SMG1: variants seen among roughly 807,000 people sequenced by gnomAD.
SMG1 encodes the protein serine/threonine-protein kinase SMG1.
A neutral mutation model predicts 419.9 loss-of-function variants in SMG1; 22 were observed. That is an observed-to-expected ratio of 0.05 (90% CI 0.04 to 0.07). The LOEUF (loss-of-function observed/expected upper bound fraction) is 0.07, where lower values mean the gene tolerates loss of function less well. Among genes scored for constraint, SMG1 ranks in the 10% least tolerant of loss-of-function variants. SMG1 has a pLI of 1.00. For missense variants in SMG1, 3,185 were observed against 4,342.0 expected, an observed-to-expected ratio of 0.73 and a Z score of 7.49; for synonymous variants, 1,538 against 1,553.5, an observed-to-expected ratio of 0.99 and a Z score of 0.23.
chr16:18,899,543 ATT>A (rs962772777), intron 1 of SMG1, among the ~76,000 whole-genome samples: 38 of 152,176 alleles, frequency 2.5e-4, no homozygotes, highest in Admixed American at 2.0e-3. Context: ...TGAAATTTCT[ATT>A]TTTATACAAT....
intron 22 of SMG1, 69 bp downstream of exon 22, chr16:18,868,121 T>C (rs1432306052): frequency 3.9e-6 from 5 of 1,272,840 alleles, no homozygotes; most frequent in Non-Finnish European, 5.5e-6. Context: ...GATTAAATCA[T>C]ACCAAAGGAA....
chr16:18,910,280 G>C (rs886720177), intron 1 of SMG1, among the ~76,000 whole-genome samples: 2 of 148,044 alleles, frequency 1.4e-5, no homozygotes, highest in Non-Finnish European at 3.0e-5. Context: ...GCCCAGGCTG[G>C]AGTGCAGTGG....
chr16:18,811,913 T>C lies in SMG1; in HGVS notation c.10801+35A>G, dbSNP rs762025601. On this transcript the variant is annotated intron_variant, in intron 61 of 62. Transcript: ENST00000446231. ...ACGTAAGTCAAACCGTCATTTTATA[T>C]AAAAATTTAAGGCATCTTTATTCTA... 3.7e-6 allele frequency: 6 copies of C among 1,612,722 alleles called. No homozygotes were observed. In the South Asian group the frequency reaches 6.6e-5, roughly 18 times the overall value.
chr16:18,874,288 A>G (rs1279282579), intron 13 of SMG1, among the ~76,000 whole-genome samples: 1 of 151,726 alleles, frequency 6.6e-6, no homozygotes, highest in African/African-American at 2.4e-5. Flanking sequence ...ACAGGTGTGC[A>G]CCACCACCCC....
chr16:18,864,286 C>G (rs2141518715), intron 23 of SMG1, 142 bp from the exon 24 acceptor site: 1 of 698,800 alleles, frequency 1.4e-6, no homozygotes, highest in Non-Finnish European at 2.2e-6. Context: ...ACCTCTGCCT[C>G]CTGGGTACAA....
intron 1 of SMG1, among the ~76,000 whole-genome samples, chr16:18,917,237 C>T (rs1430488878): frequency 2.0e-5 from 3 of 152,000 alleles, no homozygotes; most frequent in Admixed American, 6.6e-5. Context: ...ACCACAACCT[C>T]CATCTCCCAG....
intron 36 of SMG1, among the ~76,000 whole-genome samples, chr16:18,848,749 A>C (rs905554904): frequency 2.0e-5 from 3 of 151,688 alleles, no homozygotes; most frequent in African/African-American, 7.3e-5. Context: ...CATAGTAGTT[A>C]CTCCCTCAAT....
rs1407287032 is a variant in SMG1, at chr16:18,884,109, A to T, written c.1080T>A (p.Leu360=). Residue 360 remains leucine (L), a synonymous_variant, in exon 9 of 63, where the codon CTT becomes CTA. Coordinates refer to ENST00000446231, the MANE Select transcript of SMG1 (RefSeq NM_015092.5). ...CCATGTCTTCCAGAAACTGACCAAG[A>T]AGAGTAGTAGAAAATGCAAGATCAG... is the stretch of plus-strand genomic sequence containing the variant. ...WVADLAFSTT[L]LGQFLEDMEA... is the part of the protein sequence containing the mutation. The T allele has an allele frequency of 2.5e-6, 4 of 1,606,572 alleles. No homozygotes were observed. The highest frequency in any genetic ancestry group is 3.4e-6 in the Non-Finnish European group (4 of 1,175,202).
In SMG1 at chr16:18,882,315, C is replaced by T; in HGVS notation, c.1143G>A (p.Gly381=). ...YAEDLSHVAS[G]ESVDEDVPPP... ...GAGGGACATCTTCATCCACTGATTC[C>T]CCAGAGGCCACATGGCTGAGGTCCT... is the stretch of plus-strand genomic sequence containing the variant. Residue 381 remains glycine, a synonymous_variant, in exon 10 of 63, where the codon GGG becomes GGA. Transcript: ENST00000446231. The T allele has an allele frequency of 6.2e-7, 1 of 1,607,840 alleles. No individual in the cohort carries two copies. Among genetic ancestry groups the T allele is most frequent in the Non-Finnish European group, 8.5e-7 (1 of 1,177,708 alleles).
chr16:18,807,759 T>A lies in SMG1; in HGVS notation c.*1810A>T, dbSNP rs1457439164. ...AATGTACTCAAACAATTTTTTTTTT[T>A]ATCTAGTCATTTATTTTTGACACAG... On this transcript the variant is annotated 3_prime_UTR_variant, in exon 63 of 63. Coordinates refer to ENST00000446231, the MANE Select transcript of SMG1 (RefSeq NM_015092.5). 3 of 152,240 alleles carry A rather than the reference T, an allele frequency of 2.0e-5. No individual in the cohort carries two copies. The highest frequency in any genetic ancestry group is 1.9e-4 in the East Asian group (1 of 5,180). 9.4% of individuals were successfully genotyped at this position (152,240 alleles called of 1,614,324 possible).
At chr16:18,911,914 C>A (rs888628849) in intron 1 of SMG1, among the ~76,000 whole-genome samples, 8 of 151,916 alleles carry the variant, frequency 5.3e-5, no homozygotes, top group Admixed American at 1.3e-4. Flanking sequence ...AAACCCGTCT[C>A]TACTAAAAAT....
chr16:18,878,151 C>T (rs2036224062), intron 11 of SMG1: 1 of 152,198 alleles, frequency 6.6e-6, no homozygotes, highest in Admixed American at 6.5e-5. Context: ...CGCCTGTAAT[C>T]TCAGCACTTT....
At chr16:18,883,787 C>T (rs1410314797) in intron 9 of SMG1, among the ~76,000 whole-genome samples, 15 of 151,854 alleles carry the variant, frequency 9.9e-5, no homozygotes, top group African/African-American at 2.9e-4. Context: ...GGCATGGTGG[C>T]GGGCACCTGT....
Position 18,854,506 on chromosome 16 carries a change from T to C in SMG1, c.4483+150A>G, listed in dbSNP as rs1038804285. The C allele has an allele frequency of 5.3e-6, 4 of 760,142 alleles. No individual in the cohort carries two copies. The Admixed American group carries it at 9.4e-5, about 18-fold the overall frequency. The allele number at this position is 760,142 out of a possible 1,614,324, so 47.1% of individuals were successfully genotyped here. On this transcript the variant is annotated intron_variant, in intron 30 of 62. Coordinates refer to ENST00000446231, the MANE Select transcript of SMG1 (RefSeq NM_015092.5). ...CAGAATTATAAAGGTAAGTCAGTAA[T>C]AAGCAACTTATTATTCAGGATGCAA...
At chr16:18,833,301 T>G in intron 50 of SMG1, 135 bp from the exon 51 acceptor site, 1 of 594,752 alleles carries the variant, frequency 1.7e-6, no homozygotes. Flanking sequence ...GTACATCTTT[T>G]GTTTACTTTT....
At position 18,866,513 on chromosome 16, in the gene SMG1, C is replaced by T. The variant is rs990866467; in HGVS notation, c.3350+108G>A. ...AAGTGATTTATAGCAAGCTTCAATG[C>T]TGAAAGCAAACAAAGCTGTTTTAAG... On this transcript the variant is annotated intron_variant, in intron 23 of 62. Coordinates refer to ENST00000446231, the MANE Select transcript of SMG1 (RefSeq NM_015092.5). 212 of 997,480 alleles carry T rather than the reference C, an allele frequency of 2.1e-4. No individual in the cohort carries two copies. The Admixed American group carries it at 3.6e-3, about 17-fold the overall frequency. The allele number at this position is 997,480 out of a possible 1,614,324, so 61.8% of individuals were successfully genotyped here. A position where few individuals can be genotyped will look rare whatever the true frequency, so the allele number is the denominator to read the frequency against.
chr16:18,884,230 T>TA (rs556774582), intron 8 of SMG1, 63 bp from the exon 9 acceptor site: 601 of 745,442 alleles, frequency 8.1e-4, no homozygotes, highest in South Asian at 1.3e-3. Context: ...AAATCCAAAT[T>TA]AAAAAAAAAT....
At position 18,833,162 on chromosome 16, in the gene SMG1, A is replaced by G. The variant is rs1035239004; in HGVS notation, c.8570T>C (p.Leu2857Ser). 5 of 1,612,648 alleles carry G rather than the reference A, an allele frequency of 3.1e-6. No individual in the cohort carries two copies. The African/African-American group carries it at 6.7e-5, about 22-fold the overall frequency. ...TATGATTTGCCGGAAATTCGAATTC[A>G]ATTCCTATAAATATATGAGAAAAAA... ...ANGVYTSLQE[L>S]NSNFRQIIFP... Residue 2857 changes from leucine to serine, a missense_variant, in exon 51 of 63, where the codon TTG (leucine) becomes TCG (serine). This residue lies in a region of SMG1 where 412 missense variants were observed against 546.6 expected (regional missense o/e 0.75). Transcript: ENST00000446231.
intron 23 of SMG1, 39 bp from the exon 24 acceptor site, chr16:18,864,183 CTTACT>C: frequency 4.1e-6 from 3 of 730,816 alleles, no homozygotes; most frequent in South Asian, 2.3e-5. Flanking sequence ...TATTTATCTA[CTTACT>C]TTTTTTTTTT....
Sources: allele counts gnomAD v4.1 joint callset (sites outside exome capture counted in the v4.1 genomes callset), GRCh38; gene constraint gnomAD v4.1.1; regional missense constraint gnomAD v4.1.1; transcripts MANE v1.5; gene names NCBI Gene and HGNC (gene_info 2026-07-23, HGNC 2026-07-21).